Variants in PDE4B observed in about 807,000 individuals in gnomAD.
The protein encoded by PDE4B is phosphodiesterase 4B.
A neutral mutation model predicts 82.2 loss-of-function variants in PDE4B; 20 were observed. The observed-to-expected ratio is 0.24, with a 90% CI of 0.17 to 0.35. PDE4B has a LOEUF of 0.35. Among genes scored for constraint, PDE4B ranks in the 10% least tolerant of loss-of-function variants. The probability of loss-of-function intolerance (pLI) is 1.00; values close to 1 mark genes in which losing one functional copy is unlikely to be tolerated. For missense variants in PDE4B, 655 were observed against 907.2 expected (o/e 0.72, Z 3.57); for synonymous variants, 320 against 318.9 (o/e 1.00, Z -0.04).
At chr1:66,107,130 A>G (rs1017364190) in intron 3 of PDE4B, among the ~76,000 whole-genome samples, 1 of 150,294 alleles carries the variant, frequency 6.7e-6, no homozygotes, top group Non-Finnish European at 1.5e-5. Context: ...AGATTCTGGT[A>G]TGTTGTGTCT....
chr1:65,991,576 G>A (rs1313555788), intron 3 of PDE4B, among the ~76,000 whole-genome samples: 1 of 152,116 alleles, frequency 6.6e-6, no homozygotes, highest in Non-Finnish European at 1.5e-5. Flanking sequence ...TGCCGGTATA[G>A]ACTTTTCATA....
chr1:66,305,645 T>A (rs1658220398), intron 7 of PDE4B, among the ~76,000 whole-genome samples: 1 of 152,154 alleles, frequency 6.6e-6, no homozygotes, highest in South Asian at 2.1e-4. Flanking sequence ...AAAATCCGAA[T>A]CTAAGCAGAA....
rs2101991969 is a variant in PDE4B at position 66,351,961 on chromosome 1, A to G, written c.748-3566A>G. Among the ~76,000 whole-genome samples the G allele has an allele frequency of 1.3e-5, 2 of 152,258 alleles. 1 individual carries two copies. The highest frequency in any genetic ancestry group is 4.1e-4 in the South Asian group (2 of 4,826). ...TGGACTCTACATATACTAGAATGTA[A>G]AAGATACCCTTCCACCCCCCGCCGT... is the stretch of plus-strand genomic sequence containing the variant. On this transcript the variant is annotated intron_variant, in intron 8 of 16. Transcript: ENST00000341517.
At chr1:66,094,097 G>C (rs528059041) in intron 3 of PDE4B, among the ~76,000 whole-genome samples, 1 of 152,154 alleles carries the variant, frequency 6.6e-6, no homozygotes, top group African/African-American at 2.4e-5. Flanking sequence ...AAATGGATGA[G>C]AGCATTAAAA....
intron 7 of PDE4B, 192 bp downstream of exon 7, chr1:66,266,279 A>C: frequency 1.7e-6 from 1 of 600,244 alleles, no homozygotes; most frequent in Non-Finnish European, 3.0e-6. Context: ...TAAAAGCAGT[A>C]CTAAATAATT....
Position 66,223,896 on chromosome 1 carries a change from A to G in PDE4B, c.282-23564A>G, listed in dbSNP as rs540425998. ...CACTGAATATTGCAGCATCTGACTC[A>G]CTCTTTGTCTCCGTGACAAATGGTG... On this transcript the variant is annotated intron_variant, in intron 3 of 16. Coordinates refer to ENST00000341517, the MANE Select transcript of PDE4B (RefSeq NM_002600.4). Among the ~76,000 whole-genome samples the G allele has an allele frequency of 1.9e-3, 283 of 151,866 alleles. 1 individual carries two copies. Among genetic ancestry groups the G allele is most frequent in the Non-Finnish European group, 3.2e-3 (219 of 67,944 alleles).
intron 8 of PDE4B, among the ~76,000 whole-genome samples, chr1:66,339,864 A>G (rs1459919441): frequency 7.3e-6 from 1 of 137,788 alleles, no homozygotes; most frequent in Non-Finnish European, 1.6e-5. Flanking sequence ...TTTTTTTTTT[A>G]GAATATGTCC....
intron 3 of PDE4B, among the ~76,000 whole-genome samples, chr1:66,104,934 T>C (rs1337383252): frequency 1.3e-5 from 2 of 149,168 alleles, no homozygotes; most frequent in East Asian, 2.0e-4. Flanking sequence ...GCAGAAGCTC[T>C]TTAGTTTAAT....
At chr1:66,191,382 A>G (rs1647785630) in intron 3 of PDE4B, among the ~76,000 whole-genome samples, 6 of 152,156 alleles carry the variant, frequency 3.9e-5, no homozygotes, top group Admixed American at 3.9e-4. Context: ...AGTTTAGGTT[A>G]TTTCTCCTAT....
intron 7 of PDE4B, among the ~76,000 whole-genome samples, chr1:66,309,875 G>A (rs1368151304): frequency 6.6e-6 from 1 of 152,138 alleles, no homozygotes; most frequent in Non-Finnish European, 1.5e-5. Flanking sequence ...ATAGTATGAT[G>A]GCTTCAAGCA....
chr1:65,906,527 AGACTAGGAAAAAT>A (rs1227975540), intron 1 of PDE4B, among the ~76,000 whole-genome samples: 1 of 151,974 alleles, frequency 6.6e-6, no homozygotes, highest in African/African-American at 2.4e-5. Context: ...ACTTTTTTTT[AGACTAGGAAAAAT>A]AATTCAACTC....
chr1:65,874,405 T>C (rs1049121854), intron 1 of PDE4B, among the ~76,000 whole-genome samples: 3 of 152,186 alleles, frequency 2.0e-5, no homozygotes, highest in Non-Finnish European at 2.9e-5. Flanking sequence ...TGAATACCCT[T>C]TATTTCTTTC....
chr1:65,983,134 G>A (rs1309379686), intron 3 of PDE4B, among the ~76,000 whole-genome samples: 4 of 152,202 alleles, frequency 2.6e-5, no homozygotes, highest in African/African-American at 9.6e-5. Flanking sequence ...TTTTGGAATA[G>A]GAATGTTTGT....
chr1:66,341,562 A>T (rs959446902), intron 8 of PDE4B, among the ~76,000 whole-genome samples: 4 of 152,232 alleles, frequency 2.6e-5, no homozygotes, highest in East Asian at 1.9e-4. Context: ...CAGAATTTTT[A>T]AAAAAGCCTT....
intron 1 of PDE4B, among the ~76,000 whole-genome samples, chr1:65,872,138 T>C (rs1646580144): frequency 6.6e-6 from 1 of 152,188 alleles, no homozygotes; most frequent in African/African-American, 2.4e-5. Flanking sequence ...CACAGGTTTT[T>C]CCCCAAATTT....
In PDE4B at chr1:66,180,294, A is replaced by G. The variant is rs181513349; in HGVS notation, c.282-67166A>G. Among the ~76,000 whole-genome samples, 8 of 152,354 alleles carry G rather than the reference A, an allele frequency of 5.3e-5. No individual in the cohort carries two copies. The East Asian group carries it at 1.5e-3, about 29-fold the overall frequency. On this transcript the variant is annotated intron_variant, in intron 3 of 16. Transcript: ENST00000341517. ...AACACAGCAAGTTGAGGAAATGGAA[A>G]GATTATGACACAGGTGGATATTAAA...
chr1:65,899,916 A>C (rs934630834), intron 1 of PDE4B, among the ~76,000 whole-genome samples: 7 of 151,886 alleles, frequency 4.6e-5, no homozygotes, highest in Non-Finnish European at 1.0e-4. Flanking sequence ...AAAAGACTAC[A>C]AATAGGGTGC....
At chr1:65,885,134 A>T (rs1387710147) in intron 1 of PDE4B, among the ~76,000 whole-genome samples, 5 of 152,216 alleles carry the variant, frequency 3.3e-5, no homozygotes, top group Non-Finnish European at 5.9e-5. Flanking sequence ...TGGCCATCAG[A>T]GAAATGCAAA....
intron 1 of PDE4B, among the ~76,000 whole-genome samples, chr1:65,817,526 C>T (rs904847122): frequency 5.3e-5 from 8 of 152,086 alleles, no homozygotes; most frequent in Non-Finnish European, 1.0e-4. Flanking sequence ...TTTATTTTTA[C>T]TGTCGCAGGT....
Sources: gnomAD v4.1 joint callset for allele counts (sites outside exome capture counted in the v4.1 genomes callset) on GRCh38, gnomAD v4.1.1 for gene constraint, MANE v1.5 for transcripts, NCBI Gene and HGNC (gene_info 2026-07-23, HGNC 2026-07-21) for gene names.